The following UNC80 variants were observed in gnomAD, a reference collection of about 807,000 sequenced individuals.
The protein encoded by UNC80 is protein unc-80 homolog.
A neutral mutation model predicts 384.6 loss-of-function variants in UNC80; 164 were observed. That is an observed-to-expected ratio of 0.43 (90% CI 0.38 to 0.49). The LOEUF (loss-of-function observed/expected upper bound fraction) is 0.49, where lower values mean the gene tolerates loss of function less well. UNC80 is among the 20% of genes least tolerant of loss of function. The probability of loss-of-function intolerance (pLI) is 0.00; values close to 1 mark genes in which losing one functional copy is unlikely to be tolerated. For missense variants in UNC80, 3,330 were observed against 4,143.0 expected, an observed-to-expected ratio of 0.80 and a Z score of 5.39; for synonymous variants, 1,486 against 1,527.8, an observed-to-expected ratio of 0.97 and a Z score of 0.64.
intron 26 of UNC80, among the ~76,000 whole-genome samples, chr2:209,891,349 C>G (rs1306868415): frequency 1.3e-5 from 2 of 151,980 alleles, no homozygotes; most frequent in East Asian, 3.8e-4. Context: ...ATATTTTTTT[C>G]AAATATTACT....
chr2:209,883,944 G>C (rs1460072575), intron 25 of UNC80, among the ~76,000 whole-genome samples: 3 of 152,126 alleles, frequency 2.0e-5, no homozygotes, highest in Non-Finnish European at 4.4e-5. Flanking sequence ...CACAGAGTAA[G>C]CATAAATACA....
intron 43 of UNC80, among the ~76,000 whole-genome samples, chr2:209,940,155 G>A (rs2091529097): frequency 1.3e-5 from 2 of 152,082 alleles, no homozygotes; most frequent in South Asian, 2.1e-4. Context: ...GAGAATACTT[G>A]ACTAAACAAA....
intron 7 of UNC80, among the ~76,000 whole-genome samples, chr2:209,802,325 A>T (rs1169166793): frequency 6.6e-6 from 1 of 152,204 alleles, no homozygotes; most frequent in Non-Finnish European, 1.5e-5. Flanking sequence ...CCACAAAAAA[A>T]GTATGTGAGA....
intron 29 of UNC80, among the ~76,000 whole-genome samples, chr2:209,910,417 T>A (rs2088785749): frequency 6.6e-6 from 1 of 151,930 alleles, no homozygotes; most frequent in African/African-American, 2.4e-5. Context: ...CTCTGTGATA[T>A]CTATCTTCTA....
intron 18 of UNC80, among the ~76,000 whole-genome samples, chr2:209,836,843 G>A (rs184404578): frequency 2.0e-4 from 31 of 152,102 alleles, no homozygotes; most frequent in Non-Finnish European, 2.9e-4. Flanking sequence ...GCAGTTTTAT[G>A]CACTAATTTC....
chr2:209,812,211 G>T (rs993427648), intron 7 of UNC80, among the ~76,000 whole-genome samples: 1 of 149,940 alleles, frequency 6.7e-6, no homozygotes, highest in African/African-American at 2.5e-5. Flanking sequence ...CACCAAGAGC[G>T]GCTAATTTTT....
intron 25 of UNC80, among the ~76,000 whole-genome samples, chr2:209,883,692 C>G (rs2085504922): frequency 1.3e-5 from 2 of 152,110 alleles, no homozygotes; most frequent in Admixed American, 6.5e-5. Flanking sequence ...CTTGGCCTCC[C>G]AAAGTGCTGG....
Position 209,967,419 on chromosome 2 carries a change from CATATATATATAT to C in UNC80, c.7806-17_7806-6del. 6.8e-7 allele frequency: 1 copy of C among 1,478,892 alleles called. No homozygotes were observed. The highest frequency in any genetic ancestry group is 9.1e-7 in the Non-Finnish European group (1 of 1,098,444). The allele number at this position is 1,478,892 out of a possible 1,614,324, so 91.6% of individuals were successfully genotyped here. ...AAGCTTATACTTTAAAATATATATACATATATATATATTTTAGGTTGGCAGAAATTGCACACT... is the reference window on the plus strand; with the variant it reads ...AAGCTTATACTTTAAAATATATATACTTTAGGTTGGCAGAAATTGCACACT... On this transcript the variant is annotated splice_region_variant and splice_polypyrimidine_tract_variant and intron_variant, in intron 51 of 64. Coordinates refer to ENST00000673920, the MANE Select transcript of UNC80 (RefSeq NM_001371986.1).
intron 22 of UNC80, among the ~76,000 whole-genome samples, chr2:209,868,866 C>A (rs557410992): frequency 6.6e-6 from 1 of 152,228 alleles, no homozygotes; most frequent in South Asian, 2.1e-4. Flanking sequence ...CAGTTAAAAT[C>A]GATTCTTGCT....
chr2:209,855,610 G>A (rs1038908288), intron 22 of UNC80, among the ~76,000 whole-genome samples: 14 of 152,218 alleles, frequency 9.2e-5, no homozygotes, highest in African/African-American at 3.4e-4. Context: ...TTACCTCTGA[G>A]AAGATACTGC....
chr2:209,845,837 A>G (rs985015117), intron 21 of UNC80, among the ~76,000 whole-genome samples: 1 of 152,148 alleles, frequency 6.6e-6, no homozygotes, highest in Non-Finnish European at 1.5e-5. Context: ...ATCTAAGTAC[A>G]TTGTATTTTG....
chr2:209,973,157 G>C lies in UNC80; in HGVS notation c.8474G>C (p.Ser2825Thr), dbSNP rs1370135691. The change falls in exon 56 of 65, where the codon AGC becomes ACC. Residue 2825 changes from serine (S) to threonine (T), a missense_variant. Physicochemically the swap from Ser to Thr is moderately conservative, Grantham distance 58 (BLOSUM62 1). Transcript: ENST00000673920. ...LPPRIISTSR[S>T]KNFMLESSPA... ...CCGCGGATCATCAGCACATCCAGGA[G>C]CAAGAACTTCATGTTAGAGAGCTCC... The C allele has an allele frequency of 7.7e-6, 12 of 1,551,670 alleles. No individual in the cohort carries two copies. The highest frequency in any genetic ancestry group is 9.6e-6 in the Non-Finnish European group (11 of 1,147,006).
chr2:209,918,636 C>T lies in UNC80; in HGVS notation c.5316C>T (p.Val1772=). Residue 1772 remains valine (V), a synonymous_variant, in exon 33 of 65, where the codon GTC becomes GTT. Transcript: ENST00000673920. ...PPWVPQCSGS[V]QDPINEDQSK... ...GGGTTCCTCAGTGCAGCGGGAGTGT[C>T]CAGGACCCCATTAATGAAGACCAGT... 1.3e-6 allele frequency: 2 copies of T among 1,550,300 alleles called. No individual in the cohort carries two copies. The highest frequency in any genetic ancestry group is 8.7e-7 in the Non-Finnish European group (1 of 1,146,048).
chr2:209,980,723 T>C (rs1256121381), intron 59 of UNC80, among the ~76,000 whole-genome samples: 1 of 152,204 alleles, frequency 6.6e-6, no homozygotes, highest in Non-Finnish European at 1.5e-5. Context: ...ATAATAGATA[T>C]AGTTATGTAG....
chr2:209,787,132 A>G (rs1396980437), intron 5 of UNC80, among the ~76,000 whole-genome samples: 3 of 111,388 alleles, frequency 2.7e-5, no homozygotes, highest in Non-Finnish European at 5.1e-5. Flanking sequence ...ATAATTTAAC[A>G]CATATATAAA....
chr2:209,809,496 G>A (rs1574537311), intron 7 of UNC80: 1 of 1,222,462 alleles, frequency 8.2e-7, no homozygotes, highest in South Asian at 1.2e-5. Flanking sequence ...AGAAGTACCA[G>A]TGCCAGGCGT....
At chr2:209,939,696 A>T in intron 43 of UNC80, 44 bp downstream of exon 43, 1 of 1,455,540 alleles carries the variant, frequency 6.9e-7, no homozygotes, top group Non-Finnish European at 9.1e-7. Context: ...TTTTTCTAAC[A>T]CACTTGTTGT....
intron 27 of UNC80, 62 bp from the exon 28 acceptor site, chr2:209,896,251 T>C: frequency 4.2e-6 from 6 of 1,440,458 alleles, no homozygotes; most frequent in South Asian, 2.4e-5. Flanking sequence ...AACTGTACCA[T>C]ACCAACATGC....
intron 16 of UNC80, among the ~76,000 whole-genome samples, chr2:209,832,232 T>TA (rs967491142): frequency 1.3e-5 from 2 of 152,016 alleles, no homozygotes; most frequent in African/African-American, 4.8e-5. Context: ...ATGGGTGCAC[T>TA]AAAATCTCAC....
Sources: gnomAD v4.1 joint callset for allele counts (sites outside exome capture counted in the v4.1 genomes callset) on GRCh38, gnomAD v4.1.1 for gene constraint, MANE v1.5 for transcripts, NCBI Gene and HGNC (gene_info 2026-07-23, HGNC 2026-07-21) for gene names.